The following PRKCQ variants were observed in gnomAD, a reference collection of about 807,000 sequenced individuals.
The protein encoded by PRKCQ is protein kinase C theta type.
A neutral mutation model predicts 91.2 loss-of-function variants in PRKCQ; 41 were observed. The observed-to-expected ratio is 0.45, with a 90% CI of 0.35 to 0.58. The LOEUF (loss-of-function observed/expected upper bound fraction) is 0.58, where lower values mean the gene tolerates loss of function less well. Among genes scored for constraint, PRKCQ ranks in the 20% least tolerant of loss-of-function variants. The pLI is 0.00. For synonymous variants in PRKCQ, 307 were observed against 316.9 expected, an observed-to-expected ratio of 0.97 and a Z score of 0.33; for missense variants, 673 against 896.5, an observed-to-expected ratio of 0.75 and a Z score of 3.18.
the PRKCQ span, among the ~76,000 whole-genome samples, chr10:6,409,520 C>T: frequency 6.6e-6 from 1 of 152,122 alleles, no homozygotes; most frequent in Non-Finnish European, 1.5e-5. Context: ...GTCTTGAACT[C>T]CTGACCTTAA....
chr10:6,494,170 C>G lies in PRKCQ; in HGVS notation c.661-2358G>C, dbSNP rs1588760318. ...GGGAAGCGCCTTTGTGTGCCCATCACCAAAGCTCCACACCCATCCCCATCA... is the reference window on the plus strand; with the variant it reads ...GGGAAGCGCCTTTGTGTGCCCATCAGCAAAGCTCCACACCCATCCCCATCA... On this transcript the variant is annotated intron_variant, in intron 7 of 17. Transcript: ENST00000263125. 5.9e-5 allele frequency among the ~76,000 whole-genome samples: 9 copies of G among 152,316 alleles called. No individual in the cohort carries two copies. The South Asian group carries it at 1.9e-3, about 32-fold the overall frequency.
At chr10:6,445,190 T>C (rs971478363) in intron 15 of PRKCQ, among the ~76,000 whole-genome samples, 1 of 151,384 alleles carries the variant, frequency 6.6e-6, no homozygotes, top group African/African-American at 2.4e-5. Flanking sequence ...CCAGATGTTT[T>C]GATGTCGGTG....
chr10:6,497,009 C>A lies in PRKCQ; in HGVS notation c.660+26G>T. On this transcript the variant is annotated intron_variant, in intron 7 of 17. Coordinates refer to ENST00000263125, the MANE Select transcript of PRKCQ (RefSeq NM_006257.5). This position sits in a 1 kb window ranked among gnomAD's most constrained non-coding sequence, Gnocchi z 4.5. ...TAACGTTCTGATAAAAATCACTGCA[C>A]GTCAAAGAGGAGTGTAAATACTCAC... 1.3e-6 allele frequency: 2 copies of A among 1,592,840 alleles called. No homozygotes were observed. The highest frequency in any genetic ancestry group is 2.2e-5 in the South Asian group (2 of 90,480).
chr10:6,549,706 C>A (rs1840106936), intron 1 of PRKCQ, among the ~76,000 whole-genome samples: 1 of 148,786 alleles, frequency 6.7e-6, no homozygotes, highest in African/African-American at 2.5e-5. Flanking sequence ...TCTTGGCTCA[C>A]TGCAATCTCC....
intron 15 of PRKCQ, among the ~76,000 whole-genome samples, chr10:6,452,575 C>T (rs1090703): frequency 0.99 from 146,767 of 148,304 alleles, 72,636 homozygotes; most frequent in East Asian, 1. Flanking sequence ...AAAACTACTT[C>T]AAAGTTCATA....
chr10:6,435,637 C>T (rs927980906), intron 16 of PRKCQ, among the ~76,000 whole-genome samples: 2 of 152,138 alleles, frequency 1.3e-5, no homozygotes, highest in African/African-American at 2.4e-5. Flanking sequence ...TTCCTTGGGC[C>T]GCATTGGAAG....
At position 6,479,178 on chromosome 10, in the gene PRKCQ, G is replaced by A; in HGVS notation, c.1180-13C>T. ...CTGCCAGGAAGACCTAGAAGGAGAG[G>A]GAAGAAGTAACTTTATTTTAGAATT... On this transcript the variant is annotated splice_polypyrimidine_tract_variant and intron_variant, in intron 11 of 17. Transcript: ENST00000263125. 2 of 1,611,612 alleles carry A rather than the reference G, an allele frequency of 1.2e-6. No homozygotes were observed. The highest frequency in any genetic ancestry group is 1.3e-5 in the African/African-American group (1 of 74,788).
intron 4 of PRKCQ, 78 bp downstream of exon 4, chr10:6,507,358 C>A (rs1167851729): frequency 1.5e-6 from 2 of 1,363,410 alleles, no homozygotes; most frequent in East Asian, 2.3e-5. Context: ...ACAATAATTG[C>A]AAAGGTAAAA....
intron 1 of PRKCQ, among the ~76,000 whole-genome samples, chr10:6,546,872 C>T (rs1465530765): frequency 6.6e-6 from 1 of 152,168 alleles, no homozygotes; most frequent in African/African-American, 2.4e-5. Flanking sequence ...GTGGGTCTGT[C>T]ATAGATAGCT....
At chr10:6,467,437 GGGGA>G (rs1419390726) in intron 12 of PRKCQ, among the ~76,000 whole-genome samples, 4 of 134,596 alleles carry the variant, frequency 3.0e-5, no homozygotes, top group East Asian at 4.3e-4. Context: ...GAGAGATGGT[GGGGA>G]GGGAGGGAGG....
At chr10:6,555,112 T>TA (rs1840357030) in intron 1 of PRKCQ, among the ~76,000 whole-genome samples, 1 of 150,912 alleles carries the variant, frequency 6.6e-6, no homozygotes, top group South Asian at 2.1e-4. Context: ...CAACGATAGA[T>TA]ACTGGGGACA....
intron 1 of PRKCQ, among the ~76,000 whole-genome samples, chr10:6,552,370 T>C (rs981406345): frequency 6.6e-6 from 1 of 152,164 alleles, no homozygotes. Flanking sequence ...GCAACTCCAG[T>C]GATCGTGCCT....
At chr10:6,491,625 C>A in intron 8 of PRKCQ, 58 bp downstream of exon 8, 1 of 1,599,684 alleles carries the variant, frequency 6.3e-7, no homozygotes, top group South Asian at 1.1e-5. Flanking sequence ...CCCAGAAAGC[C>A]TTGCTCCATC....
chr10:6,517,781 A>G (rs1265203325), intron 1 of PRKCQ, among the ~76,000 whole-genome samples: 1 of 151,530 alleles, frequency 6.6e-6, no homozygotes, highest in African/African-American at 2.4e-5. Flanking sequence ...AGCTATGGTT[A>G]GTGTAACAGA....
the PRKCQ span, among the ~76,000 whole-genome samples, chr10:6,404,255 G>GGGGGGAGAGAGA: frequency 5.8e-5 from 2 of 34,358 alleles, no homozygotes; most frequent in South Asian, 1.7e-3. Flanking sequence ...GAAGGGGGGG[G>GGGGGGAGAGAGA]GAGAGAGAGA....
intron 8 of PRKCQ, 86 bp from the exon 9 acceptor site, chr10:6,486,230 G>T: frequency 1.8e-6 from 2 of 1,138,130 alleles, no homozygotes; most frequent in Non-Finnish European, 2.6e-6. Flanking sequence ...ACAGAGCCTT[G>T]CGGATAGGGA....
intron 4 of PRKCQ, among the ~76,000 whole-genome samples, chr10:6,500,270 T>C (rs1047754804): frequency 3.9e-5 from 6 of 151,908 alleles, no homozygotes; most frequent in African/African-American, 1.2e-4. Context: ...CCAGATGAAA[T>C]AAAATAAAAT....
chr10:6,446,414 G>A (rs1253330078), intron 15 of PRKCQ, among the ~76,000 whole-genome samples: 1 of 140,514 alleles, frequency 7.1e-6, no homozygotes, highest in Non-Finnish European at 1.5e-5. Context: ...TGGCCAGGCT[G>A]GAGTGCAGTG....
intron 15 of PRKCQ, among the ~76,000 whole-genome samples, chr10:6,456,161 C>A (rs953972426): frequency 3.3e-5 from 5 of 152,044 alleles, no homozygotes; most frequent in African/African-American, 1.2e-4. Flanking sequence ...TTAATGGGGG[C>A]AGGGGTGAGT....
Sources: allele counts gnomAD v4.1 joint callset (sites outside exome capture counted in the v4.1 genomes callset), GRCh38; gene constraint gnomAD v4.1.1; non-coding constraint Gnocchi (gnomAD v3.1); transcripts MANE v1.5; gene names NCBI Gene and HGNC (gene_info 2026-07-23, HGNC 2026-07-21).